RAD51B: variants seen among roughly 807,000 people sequenced by gnomAD.
RAD51B encodes DNA repair protein RAD51 homolog 2.
RAD51B carries 38 observed loss-of-function variants against 42.2 expected under a neutral mutation model. That is an observed-to-expected ratio of 0.90 (90% CI 0.70 to 1.18). The LOEUF (loss-of-function observed/expected upper bound fraction) is 1.18. RAD51B is among the 50% of genes most tolerant of loss of function. The pLI, the probability that RAD51B is intolerant of heterozygous loss-of-function variation, is 0.00. For synonymous variants in RAD51B, 154 were observed against 145.2 expected, an observed-to-expected ratio of 1.06 and a Z score of -0.43; for missense variants, 373 against 400.7, an observed-to-expected ratio of 0.93 and a Z score of 0.59.
In RAD51B at chr14:67,912,988, G is replaced by A. The variant is rs145052993; in HGVS notation, c.756+25784G>A. Among the ~76,000 whole-genome samples, 1,226 of 152,298 alleles carry A rather than the reference G, an allele frequency of 8.1e-3. 15 individuals carry two copies. Among genetic ancestry groups the A allele is most frequent in the African/African-American group, 0.028 (1,149 of 41,548 alleles). On this transcript the variant is annotated intron_variant, in intron 7 of 10. Transcript: ENST00000471583. ...CAAAGTGCTGGGATTACAGGCGTGA[G>A]CCACTGCACCCGGCCTTACTTCTCT...
Position 68,342,597 on chromosome 14 carries a change from CTCTT to C in RAD51B, c.853+50621_853+50624del, listed in dbSNP as rs1222154712. On this transcript the variant is annotated intron_variant, in intron 8 of 10. Coordinates refer to ENST00000471583, the MANE Select transcript of RAD51B (RefSeq NM_133510.4). ...TCTCTCCCTCTCTCTCTCTGTCTCTCTCTTTCTAATGAAGAGTTTAGCTTTGGAG... is the reference window on the plus strand; with the variant it reads ...TCTCTCCCTCTCTCTCTCTGTCTCTCTCTAATGAAGAGTTTAGCTTTGGAG... Among the ~76,000 whole-genome samples, 2 of 152,208 alleles carry C rather than the reference CTCTT, an allele frequency of 1.3e-5. 1 individual carries two copies. Among genetic ancestry groups the C allele is most frequent in the Middle Eastern group, 6.4e-3 (2 of 314 alleles).
At chr14:68,217,513 C>T (rs996589260) in intron 7 of RAD51B, among the ~76,000 whole-genome samples, 2 of 152,150 alleles carry the variant, frequency 1.3e-5, no homozygotes, top group African/African-American at 4.8e-5. Context: ...TCAGGCCCAT[C>T]AGACTGACTG....
At chr14:68,629,793 C>T (rs1892182655) in intron 10 of RAD51B, among the ~76,000 whole-genome samples, 1 of 152,208 alleles carries the variant, frequency 6.6e-6, no homozygotes, top group Non-Finnish European at 1.5e-5. Context: ...TTTAATCATA[C>T]TTTATAATTT....
At chr14:68,183,986 G>GA (rs922667722) in intron 7 of RAD51B, among the ~76,000 whole-genome samples, 2 of 5,562 alleles carry the variant, frequency 3.6e-4, no homozygotes, top group African/African-American at 9.1e-4. Flanking sequence ...CAGCTACTCG[G>GA]GGGGGGTGAG....
chr14:68,256,263 G>A (rs774877370), intron 7 of RAD51B, among the ~76,000 whole-genome samples: 13 of 152,064 alleles, frequency 8.5e-5, no homozygotes, highest in Non-Finnish European at 1.5e-4. Context: ...CTCTTCACTG[G>A]CCATTTCTGT....
intron 7 of RAD51B, among the ~76,000 whole-genome samples, chr14:67,894,696 A>G (rs1177635985): frequency 6.6e-6 from 1 of 152,208 alleles, no homozygotes; most frequent in South Asian, 2.1e-4. Flanking sequence ...CACAGAGGGA[A>G]TTAAAGGGAG....
At chr14:68,483,500 G>A (rs962457177) in intron 10 of RAD51B, among the ~76,000 whole-genome samples, 1 of 152,120 alleles carries the variant, frequency 6.6e-6, no homozygotes, top group African/African-American at 2.4e-5. Context: ...TGGGTTCAAG[G>A]GAGCCATGGC....
In RAD51B at chr14:68,489,279, A is replaced by G. The variant is rs1883889435; in HGVS notation, c.1036+21029A>G. Among the ~76,000 whole-genome samples the G allele has an allele frequency of 3.9e-5, 6 of 152,330 alleles. No homozygotes were observed. In the South Asian group the frequency reaches 1.0e-3, roughly 26 times the overall value. ...AGAAAGGCATCTGTAATGTTATCAC[A>G]TGAAGATATAGATGCTTGTGAGTTT... is the stretch of plus-strand genomic sequence containing the variant. On this transcript the variant is annotated intron_variant, in intron 10 of 10. Coordinates refer to the RAD51B transcript ENST00000487270.
intron 7 of RAD51B, among the ~76,000 whole-genome samples, chr14:68,142,795 C>T (rs1345374782): frequency 6.6e-6 from 1 of 152,148 alleles, no homozygotes; most frequent in African/African-American, 2.4e-5. Context: ...TGTGCCTCCA[C>T]ATTTGTTTCT....
At chr14:68,501,120 T>C (rs531015509) in intron 10 of RAD51B, among the ~76,000 whole-genome samples, 2 of 152,054 alleles carry the variant, frequency 1.3e-5, no homozygotes, top group African/African-American at 2.4e-5. Context: ...AGATTTCAGG[T>C]TGGAGGGAGT....
chr14:68,676,821 G>A (rs17835288), intron 11 of RAD51B, among the ~76,000 whole-genome samples: 5,927 of 152,336 alleles, frequency 0.039, 170 homozygotes, highest in Non-Finnish European at 0.063. Flanking sequence ...ACTGGATGAC[G>A]GGCGTCCCCG....
chr14:67,863,707 T>A (rs935059848), intron 4 of RAD51B, among the ~76,000 whole-genome samples: 2 of 152,216 alleles, frequency 1.3e-5, no homozygotes, highest in Non-Finnish European at 2.9e-5. Flanking sequence ...GCATTGGTTC[T>A]AAAAATTTGG....
chr14:68,243,140 A>G (rs750296541), intron 7 of RAD51B, among the ~76,000 whole-genome samples: 4 of 152,194 alleles, frequency 2.6e-5, no homozygotes, highest in Non-Finnish European at 5.9e-5. Context: ...ACCTGGGACT[A>G]TTTAAAACAG....
At chr14:67,878,818 G>A (rs1157963974) in intron 5 of RAD51B, among the ~76,000 whole-genome samples, 1 of 152,022 alleles carries the variant, frequency 6.6e-6, no homozygotes, top group Non-Finnish European at 1.5e-5. Context: ...TCCTTACTCA[G>A]CCTCCCGAAT....
In RAD51B at chr14:68,618,356, C is replaced by G. The variant is rs779006001; in HGVS notation, c.1037-32425C>G. Among the ~76,000 whole-genome samples, 9 of 152,298 alleles carry G rather than the reference C, an allele frequency of 5.9e-5. No individual in the cohort carries two copies. The Middle Eastern group carries it at 0.017, about 290-fold the overall frequency. ...TTTATTCCCCTAGATCCTTTCCTGTCAAATCACTGTGAATTAGTTTTGCCC... is the reference window on the plus strand; with the variant it reads ...TTTATTCCCCTAGATCCTTTCCTGTGAAATCACTGTGAATTAGTTTTGCCC... On this transcript the variant is annotated intron_variant, in intron 10 of 11. Transcript: ENST00000488612.
intron 7 of RAD51B, among the ~76,000 whole-genome samples, chr14:68,249,442 G>A (rs556025358): frequency 6.6e-6 from 1 of 152,152 alleles, no homozygotes; most frequent in African/African-American, 2.4e-5. Context: ...CAAAAAGGTT[G>A]TATTTTAATT....
At chr14:67,827,206 T>C (rs932554) in intron 3 of RAD51B, among the ~76,000 whole-genome samples, 34,435 of 152,130 alleles carry the variant, frequency 0.23, 4,316 homozygotes, top group African/African-American at 0.32. Flanking sequence ...GTTATTATTT[T>C]GAAGGTTGTA....
At chr14:68,273,312 C>G (rs1157854056) in intron 7 of RAD51B, among the ~76,000 whole-genome samples, 2 of 152,120 alleles carry the variant, frequency 1.3e-5, no homozygotes, top group Non-Finnish European at 2.9e-5. Flanking sequence ...AGCTTTTGGC[C>G]AAAAGCCTAT....
intron 10 of RAD51B, among the ~76,000 whole-genome samples, chr14:68,483,215 G>T (rs1473657819): frequency 1.4e-4 from 21 of 152,174 alleles, no homozygotes; most frequent in Admixed American, 1.4e-3. Flanking sequence ...CTGGATATTG[G>T]TGAACACCTG....
Sources: gnomAD v4.1 joint callset for allele counts (sites outside exome capture counted in the v4.1 genomes callset) on GRCh38, gnomAD v4.1.1 for gene constraint, MANE v1.5 for transcripts, NCBI Gene and HGNC (gene_info 2026-07-23, HGNC 2026-07-21) for gene names.